Variants in CLCNKB observed in about 807,000 individuals in gnomAD.
CLCNKB encodes chloride channel protein ClC-Kb.
CLCNKB carries 74 observed loss-of-function variants against 83.8 expected under a neutral mutation model. The observed-to-expected ratio is 0.88, with a 90% CI of 0.73 to 1.07. CLCNKB has a LOEUF of 1.07. Ranked by LOEUF, CLCNKB falls within the 50% of genes least tolerant of loss-of-function variation. CLCNKB has a pLI of 0.00. For synonymous variants in CLCNKB, 358 were observed against 356.6 expected (o/e 1.00, Z -0.04); for missense variants, 798 against 893.6 (o/e 0.89, Z 1.36).
chr1:16,053,695 A>G lies in CLCNKB; in HGVS notation c.1679A>G (p.Lys560Arg), dbSNP rs202074338. Reference protein sequence around the residue: ...FMNHSITTLAKDMPLEEVVKV... With the variant: ...FMNHSITTLARDMPLEEVVKV... ...AACCACAGCATCACCACACTGGCCA[A>G]GGACATGCCACTGGAGGAGGTGGTC... Residue 560 changes from lysine to arginine, a missense_variant, in exon 16 of 20, where the codon AAG (lysine) becomes AGG (arginine). By Grantham distance (26) the Lys-to-Arg change is conservative. Coordinates refer to ENST00000375679, the MANE Select transcript of CLCNKB (RefSeq NM_000085.5). The G allele has an allele frequency of 2.5e-6, 4 of 1,613,978 alleles. No individual in the cohort carries two copies. The highest frequency in any genetic ancestry group is 3.4e-6 in the Non-Finnish European group (4 of 1,180,010).
At chr1:16,049,778 G>A in intron 9 of CLCNKB, 37 bp from the exon 10 acceptor site, 1 of 1,613,660 alleles carries the variant, frequency 6.2e-7, no homozygotes, top group Non-Finnish European at 8.5e-7. Flanking sequence ...CCTGGTACTG[G>A]GGTCGGGCTC....
chr1:16,053,410 C>T (rs569207505), intron 15 of CLCNKB, among the ~76,000 whole-genome samples: 42 of 152,196 alleles, frequency 2.8e-4, no homozygotes, highest in African/African-American at 8.4e-4. Flanking sequence ...CTGGGGGACA[C>T]GGGGGTCCAG....
Position 16,048,589 on chromosome 1 carries a change from C to T in CLCNKB, c.655+7C>T. 6.2e-7 allele frequency: 1 copy of T among 1,613,088 alleles called. No homozygotes were observed. Among genetic ancestry groups the T allele is most frequent in the Non-Finnish European group, 8.5e-7 (1 of 1,179,510 alleles). ...TTTGCAGCTCCCTTCAGCGGTGAGACCCCTTCATGCCCCGCCCCCTGGGTC... is the reference window on the plus strand; with the variant it reads ...TTTGCAGCTCCCTTCAGCGGTGAGATCCCTTCATGCCCCGCCCCCTGGGTC... On this transcript the variant is annotated splice_region_variant and intron_variant, in intron 7 of 19. Transcript: ENST00000375679.
At chr1:16,048,642 G>C in intron 7 of CLCNKB, 60 bp downstream of exon 7, 1 of 1,604,362 alleles carries the variant, frequency 6.2e-7, no homozygotes, top group Non-Finnish European at 8.5e-7. Flanking sequence ...CACACCCTGG[G>C]CTCCTTCGGC....
intron 5 of CLCNKB, 77 bp from the exon 6 acceptor site, chr1:16,048,266 G>C: frequency 6.4e-7 from 1 of 1,569,222 alleles, no homozygotes; most frequent in African/African-American, 1.4e-5. Context: ...GGGTGTTGGG[G>C]GGAAGCCGTG....
At chr1:16,048,747 G>T (rs2023184400) in intron 7 of CLCNKB, 165 bp downstream of exon 7, 1 of 1,476,772 alleles carries the variant, frequency 6.8e-7, no homozygotes, top group South Asian at 1.4e-5. Flanking sequence ...GGGGGGAGGG[G>T]GGGCGGGTGA....
chr1:16,050,369 C>G, intron 10 of CLCNKB, 147 bp from the exon 11 acceptor site: 1 of 857,130 alleles, frequency 1.2e-6, no homozygotes, highest in Admixed American at 2.0e-5. Flanking sequence ...GGGCTGACCC[C>G]ACAGGTTCTG....
chr1:16,056,375 G>A (rs2023440221), intron 18 of CLCNKB, 47 bp from the exon 19 acceptor site: 2 of 1,584,438 alleles, frequency 1.3e-6, no homozygotes, highest in South Asian at 2.2e-5. Flanking sequence ...TAGAGGGTGG[G>A]CTGGGCACCT....
Position 16,053,641 on chromosome 1 carries a change from C to T in CLCNKB, c.1625C>T (p.Ser542Phe), listed in dbSNP as rs2023360787. Residue 542 changes from serine (S) to phenylalanine (F), a missense_variant and splice_region_variant, in exon 16 of 20, where the codon TCC becomes TTC. Coordinates refer to ENST00000375679, the MANE Select transcript of CLCNKB (RefSeq NM_000085.5). ...LPRILGRNIGSHRVRVEHFMN... is the reference protein window; with the variant it reads ...LPRILGRNIGFHRVRVEHFMN... ...GATGGGAGCCCCTCTGCCTGCAGTT[C>T]CCACCGCGTGAGGGTGGAGCACTTC... is the stretch of plus-strand genomic sequence containing the variant. The T allele has an allele frequency of 6.2e-7, 1 of 1,613,932 alleles. No homozygotes were observed. Among genetic ancestry groups the T allele is most frequent in the Non-Finnish European group, 8.5e-7 (1 of 1,180,026 alleles).
At position 16,046,590 on chromosome 1, in the gene CLCNKB, CT is replaced by C. The variant is rs2023108686; in HGVS notation, c.286del (p.Trp96GlyfsTer31). The C allele has an allele frequency of 6.2e-7, 1 of 1,614,030 alleles. No individual in the cohort carries two copies. The highest frequency in any genetic ancestry group is 1.1e-5 in the South Asian group (1 of 91,090). ...GDSHLLRYLS[W>X]TVYPVALVSF... ...ACAGCCACCTGCTCCGGTATCTCTC[CT>C]GGACTGTGTACCCTGTGGCCCTCGT... On this transcript the variant is annotated frameshift_variant, in exon 4 of 20. Transcript: ENST00000375679. LOFTEE classifies it high-confidence loss of function.
In CLCNKB at chr1:16,051,005, G is replaced by C. The variant is rs147999316; in HGVS notation, c.1184G>C (p.Arg395Pro). 4 of 1,613,938 alleles carry C rather than the reference G, an allele frequency of 2.5e-6. No homozygotes were observed. Among genetic ancestry groups the C allele is most frequent in the South Asian group, 1.1e-5 (1 of 91,070 alleles). The change falls in exon 12 of 20, where the codon CGG (arginine) becomes CCG (proline). Residue 395 changes from arginine to proline, a missense_variant. Physicochemically the swap from Arg to Pro is moderately radical, Grantham distance 103 (BLOSUM62 -2). Coordinates refer to ENST00000375679, the MANE Select transcript of CLCNKB (RefSeq NM_000085.5). The part of the protein sequence containing the change: ...QHLWWEWYHP[R>P]FTIFGTLAFF... ...CTGTGGTGGGAATGGTACCACCCGC[G>C]GTTCACCATCTTTGGGACCCTTGCC...
At chr1:16,052,933 A>AGCT (rs1339781723) in intron 15 of CLCNKB, among the ~76,000 whole-genome samples, 3 of 152,170 alleles carry the variant, frequency 2.0e-5, no homozygotes, top group African/African-American at 7.2e-5. Flanking sequence ...AACACAAGCA[A>AGCT]GCTGCTGCCT....
chr1:16,049,044 G>A, intron 7 of CLCNKB, 76 bp from the exon 8 acceptor site: 11 of 1,612,484 alleles, frequency 6.8e-6, no homozygotes, highest in Non-Finnish European at 9.3e-6. Context: ...CAGGGAGGAG[G>A]TGACATGGGG....
chr1:16,051,198 T>C, intron 12 of CLCNKB, 150 bp downstream of exon 12: 1 of 1,252,118 alleles, frequency 8.0e-7, no homozygotes, highest in Non-Finnish European at 1.1e-6. Flanking sequence ...CCTGGACAAG[T>C]GGCTTCAGCT....
chr1:16,055,610 A>G, intron 17 of CLCNKB, 65 bp from the exon 18 acceptor site: 1 of 1,592,930 alleles, frequency 6.3e-7, no homozygotes, highest in Non-Finnish European at 8.6e-7. Context: ...CCTGAGGGAG[A>G]GGTGGTCAGA....
rs752627060 is a variant in CLCNKB at position 16,046,695 on chromosome 1, TG to T, written c.358+34del. ...CCACAGTCGCTACGCCAGTCCCCAC[TG>T]GCCAAAACCTTCTCAGATCCCAGGG... On this transcript the variant is annotated intron_variant, in intron 4 of 19. Transcript: ENST00000375679. 2.3e-5 allele frequency: 35 copies of T among 1,538,102 alleles called. No individual in the cohort carries two copies. In the East Asian group the frequency reaches 8.0e-4, roughly 35 times the overall value.
Position 16,050,575 on chromosome 1 carries a change from G to C in CLCNKB, c.1028G>C (p.Ser343Thr). 1 of 1,614,064 alleles carries C rather than the reference G, an allele frequency of 6.2e-7. No homozygotes were observed. The highest frequency in any genetic ancestry group is 8.5e-7 in the Non-Finnish European group (1 of 1,179,996). Residue 343 changes from serine to threonine, a missense_variant, in exon 11 of 20, where the codon AGC becomes ACC. Physicochemically the swap from Ser to Thr is moderately conservative, Grantham distance 58 (BLOSUM62 1). Coordinates refer to ENST00000375679, the MANE Select transcript of CLCNKB (RefSeq NM_000085.5). Reference protein sequence around the residue: ...LVLASITYPPSAGRFLASRLS... With the variant: ...LVLASITYPPTAGRFLASRLS... ...CTCGCCTCCATCACCTACCCACCCA[G>C]CGCCGGCCGCTTCCTAGCTTCTCGG...
chr1:16,048,288 T>G (rs2023165100), intron 5 of CLCNKB, 55 bp from the exon 6 acceptor site: 1 of 1,593,388 alleles, frequency 6.3e-7, no homozygotes, highest in Admixed American at 1.7e-5. Flanking sequence ...TGACTCTGGG[T>G]GAGACCGTCT....
At chr1:16,047,037 T>C (rs1233422762) in intron 4 of CLCNKB, among the ~76,000 whole-genome samples, 1 of 152,134 alleles carries the variant, frequency 6.6e-6, no homozygotes, top group Admixed American at 6.5e-5. Context: ...TGAGATTTCA[T>C]CCGGGCTTCC....
Sources: gnomAD v4.1 joint callset for allele counts (sites outside exome capture counted in the v4.1 genomes callset) on GRCh38, gnomAD v4.1.1 for gene constraint, MANE v1.5 for transcripts, NCBI Gene and HGNC (gene_info 2026-07-23, HGNC 2026-07-21) for gene names.